The following MEGF6 variants were observed in gnomAD, a reference collection of about 807,000 sequenced individuals.
MEGF6 encodes multiple EGF like domains 6.
MEGF6 carries 184 observed loss-of-function variants against 207.1 expected under a neutral mutation model. That is an observed-to-expected ratio of 0.89 (90% CI 0.79 to 1.00). The LOEUF is 1.00. Ranked by LOEUF, MEGF6 falls within the 50% of genes least tolerant of loss-of-function variation. The pLI, the probability that MEGF6 is intolerant of heterozygous loss-of-function variation, is 0.00. For synonymous variants in MEGF6, 1,038 were observed against 910.0 expected (o/e 1.14, Z -2.53); for missense variants, 2,282 against 2,202.9 (o/e 1.04, Z -0.72).
chr1:3,585,178 T>C (rs1006820381), intron 3 of MEGF6, among the ~76,000 whole-genome samples: 1 of 146,956 alleles, frequency 6.8e-6, no homozygotes, highest in African/African-American at 2.5e-5. Context: ...GTCCTGTGTG[T>C]GGGTGTGAGT....
intron 4 of MEGF6, chr1:3,531,251 G>A (rs1642156240): frequency 7.2e-7 from 1 of 1,386,138 alleles, no homozygotes; most frequent in Non-Finnish European, 9.3e-7. Context: ...CCCATGGCCT[G>A]GTAGGCCGGC....
intron 4 of MEGF6, among the ~76,000 whole-genome samples, chr1:3,548,791 C>T (rs976614985): frequency 6.6e-6 from 1 of 152,172 alleles, no homozygotes; most frequent in Non-Finnish European, 1.5e-5. Flanking sequence ...TCCCCAGCAC[C>T]GGGGCAGCCT....
chr1:3,566,797 G>T (rs880801), intron 4 of MEGF6, among the ~76,000 whole-genome samples: 208 of 152,164 alleles, frequency 1.4e-3, no homozygotes, highest in Non-Finnish European at 1.5e-3. Flanking sequence ...GGGCTGGCTG[G>T]GTCCTCGGTG....
intron 4 of MEGF6, among the ~76,000 whole-genome samples, chr1:3,543,659 G>A (rs561733029): frequency 1.1e-4 from 17 of 152,232 alleles, no homozygotes; most frequent in African/African-American, 4.1e-4. Flanking sequence ...GTCCCTGGCC[G>A]AGATGCCGTC....
chr1:3,599,905 C>A (rs1644131805), intron 2 of MEGF6, among the ~76,000 whole-genome samples: 1 of 152,200 alleles, frequency 6.6e-6, no homozygotes, highest in African/African-American at 2.4e-5. Flanking sequence ...CTCTGACAGG[C>A]ACGACCCCAG....
At position 3,521,637 on chromosome 1, in the gene MEGF6, T is replaced by C. The variant is rs981766333; in HGVS notation, c.604+2487A>G. 2.0e-5 allele frequency among the ~76,000 whole-genome samples: 3 copies of C among 151,864 alleles called. No homozygotes were observed. In the East Asian group the frequency reaches 5.8e-4, roughly 29 times the overall value. ...GGCCCCCAGGGGACTCCGTCCCCGG[T>C]CTACAAGCTTTTCAGGCCCCCACAG... On this transcript the variant is annotated intron_variant, in intron 5 of 36. Transcript: ENST00000356575.
rs1303840697 is a variant in MEGF6, at chr1:3,508,708, G to T, written c.1529-19C>A. 1.9e-6 allele frequency: 3 copies of T among 1,611,258 alleles called. No homozygotes were observed. Among genetic ancestry groups the T allele is most frequent in the Non-Finnish European group, 2.5e-6 (3 of 1,178,888 alleles). On this transcript the variant is annotated intron_variant, in intron 12 of 36. Coordinates refer to ENST00000356575, the MANE Select transcript of MEGF6 (RefSeq NM_001409.4). ...AGGCAGACTGGGGGCAGACCAGGAT[G>T]GGGGGATTCAGAGCCTGACCCCTGG...
chr1:3,549,341 G>A (rs923526264), intron 4 of MEGF6, among the ~76,000 whole-genome samples: 1 of 152,194 alleles, frequency 6.6e-6, no homozygotes, highest in Non-Finnish European at 1.5e-5. Context: ...TGGGCACCAC[G>A]CAGACTGATG....
At chr1:3,517,442 C>CA (rs913730698) in intron 5 of MEGF6, among the ~76,000 whole-genome samples, 2 of 152,238 alleles carry the variant, frequency 1.3e-5, no homozygotes, top group African/African-American at 2.4e-5. Context: ...ACAGTTCTAA[C>CA]ACCCCAGATG....
At chr1:3,501,759 C>A (rs576777134) in intron 18 of MEGF6, 37 bp downstream of exon 18, 1 of 1,605,014 alleles carries the variant, frequency 6.2e-7, no homozygotes, top group African/African-American at 1.3e-5. Context: ...GCCGTGCAGC[C>A]TGGGGAGGCG....
intron 4 of MEGF6, among the ~76,000 whole-genome samples, chr1:3,569,733 G>A (rs951804456): frequency 2.6e-5 from 4 of 152,226 alleles, no homozygotes; most frequent in Non-Finnish European, 5.9e-5. Context: ...CCATGCTATG[G>A]GCAGGAAGAC....
intron 4 of MEGF6, among the ~76,000 whole-genome samples, chr1:3,557,478 G>C (rs1445164431): frequency 6.6e-6 from 1 of 152,230 alleles, no homozygotes; most frequent in Non-Finnish European, 1.5e-5. Context: ...GTCTAAGCAA[G>C]CCCGGCGTCC....
In MEGF6 at chr1:3,511,636, G is replaced by A; in HGVS notation, c.1028C>T (p.Ser343Phe). The change falls in exon 9 of 37, where the codon TCC becomes TTC. Residue 343 changes from serine to phenylalanine, a missense_variant. Ser to Phe is a radical substitution (Grantham distance 155). Coordinates refer to ENST00000356575, the MANE Select transcript of MEGF6 (RefSeq NM_001409.4). ...AGCACTGGTGTGGCTGCAGCCATGG[G>A]AGCAGCCGCCGTTGTTGGCCTCACA... The part of the protein sequence containing the change: ...NSCEANNGGC[S>F]HGCSHTSAGP... 3 of 1,611,886 alleles carry A rather than the reference G, an allele frequency of 1.9e-6. No individual in the cohort carries two copies. Among genetic ancestry groups the A allele is most frequent in the South Asian group, 1.1e-5 (1 of 91,070 alleles).
intron 1 of MEGF6, among the ~76,000 whole-genome samples, chr1:3,605,646 TCA>T (rs1399993792): frequency 6.9e-6 from 1 of 145,940 alleles, no homozygotes; most frequent in African/African-American, 2.5e-5. Flanking sequence ...TTCTGTACTC[TCA>T]CGCATGCAAG....
chr1:3,526,773 G>A (rs985779752), intron 4 of MEGF6, among the ~76,000 whole-genome samples: 5 of 152,156 alleles, frequency 3.3e-5, no homozygotes, highest in African/African-American at 4.8e-5. Context: ...GGGAGGGGCC[G>A]CTGAGAGCCG....
At chr1:3,496,827 TC>T in intron 28 of MEGF6, 44 bp from the exon 29 acceptor site, 1 of 1,541,180 alleles carries the variant, frequency 6.5e-7, no homozygotes, top group Non-Finnish European at 8.8e-7. Context: ...GCTGGAGGCT[TC>T]CCCAGTGCCC....
Position 3,531,263 on chromosome 1 carries a change from G to A in MEGF6, c.482-7017C>T, listed in dbSNP as rs1175209911. ...GCCCCCATGGCCTGGTAGGCCGGCG[G>A]GCGGGAGGGGGCGAGGACCAACCGC... On this transcript the variant is annotated intron_variant, in intron 4 of 36. Coordinates refer to ENST00000356575, the MANE Select transcript of MEGF6 (RefSeq NM_001409.4). 265 of 1,361,578 alleles carry A rather than the reference G, an allele frequency of 1.9e-4. 1 individual carries two copies. Among genetic ancestry groups the A allele is most frequent in the Non-Finnish European group, 7.5e-6 (8 of 1,062,862 alleles). The allele number at this position is 1,361,578 out of a possible 1,614,324, so 84.3% of individuals were successfully genotyped here.
chr1:3,584,001 A>G (rs1643863411), intron 3 of MEGF6, among the ~76,000 whole-genome samples: 1 of 152,368 alleles, frequency 6.6e-6, no homozygotes. Context: ...GGGAACTGGC[A>G]GTGAGGACCG....
At chr1:3,580,054 T>G (rs935550859) in intron 3 of MEGF6, 125 bp from the exon 4 acceptor site, 1 of 640,880 alleles carries the variant, frequency 1.6e-6, no homozygotes, top group African/African-American at 1.9e-5. Context: ...CCGTTCTCTC[T>G]GTCCTAGGTC....
Sources: gnomAD v4.1 joint callset for allele counts (sites outside exome capture counted in the v4.1 genomes callset) on GRCh38, gnomAD v4.1.1 for gene constraint, MANE v1.5 for transcripts, NCBI Gene and HGNC (gene_info 2026-07-23, HGNC 2026-07-21) for gene names.